The following UQCRFS1 variants were observed in gnomAD, a reference collection of about 807,000 sequenced individuals.
UQCRFS1 encodes the protein ubiquinol-cytochrome c reductase, Rieske iron-sulfur polypeptide 1.
In UQCRFS1, 6 loss-of-function variants were observed where a neutral mutation model predicts 15.6. That is an observed-to-expected ratio of 0.38 (90% CI 0.21 to 0.76). The LOEUF (loss-of-function observed/expected upper bound fraction) is 0.76. Ranked by LOEUF, UQCRFS1 falls within the 30% of genes least tolerant of loss-of-function variation. The probability of loss-of-function intolerance (pLI) is 0.44; values close to 1 mark genes in which losing one functional copy is unlikely to be tolerated. For missense variants in UQCRFS1, 203 were observed against 366.7 expected (o/e 0.55, Z 3.65); for synonymous variants, 105 against 154.3 (o/e 0.68, Z 2.37).
rs1976595430 is a variant in UQCRFS1, at chr19:29,206,470, A to C, written c.*1078T>G. The C allele has an allele frequency of 6.6e-6, 1 of 152,194 alleles. No homozygotes were observed. Among genetic ancestry groups the C allele is most frequent in the African/African-American group, 2.4e-5 (1 of 41,434 alleles). 9.4% of individuals were successfully genotyped at this position (152,194 alleles called of 1,614,324 possible). On this transcript the variant is annotated 3_prime_UTR_variant, in exon 2 of 2. Transcript: ENST00000304863. The stretch of plus-strand genomic sequence containing the variant: ...ACTGGTCCACCTCTAAACAGCAAAG[A>C]CAAACACATCAAAAAGTGACTGTGA...
rs1231316555 is a variant in UQCRFS1, at chr19:29,207,448, A to G, written c.*100T>C. The G allele has an allele frequency of 3.1e-6, 4 of 1,308,158 alleles. No individual in the cohort carries two copies. Among genetic ancestry groups the G allele is most frequent in the South Asian group, 3.1e-5 (2 of 64,442 alleles). 81.0% of individuals were successfully genotyped at this position (1,308,158 alleles called of 1,614,324 possible). ...TTGCAAATACATCATCAATTCTTACATATTTCAAATCAACTTCAAGTACAG... is the reference window on the plus strand; with the variant it reads ...TTGCAAATACATCATCAATTCTTACGTATTTCAAATCAACTTCAAGTACAG... On this transcript the variant is annotated 3_prime_UTR_variant, in exon 2 of 2. Transcript: ENST00000304863.
rs559375339 is a variant in UQCRFS1, at chr19:29,207,716, A to G, written c.657T>C (p.His219=). ...CATTTGCAATGGGTACACAGCCAAG[A>G]TGAGTGCAAACACCTATCAGGATAA... is the stretch of plus-strand genomic sequence containing the variant. ...EWVILIGVCT[H]LGCVPIANAG... Residue 219 remains histidine (H), a synonymous_variant, in exon 2 of 2, where the codon CAT becomes CAC. Transcript: ENST00000304863. 1.9e-6 allele frequency: 3 copies of G among 1,614,006 alleles called. No homozygotes were observed. The East Asian group carries it at 6.7e-5, about 36-fold the overall frequency.
In UQCRFS1 at chr19:29,207,315, T is replaced by C. The variant is rs10403575; in HGVS notation, c.*233A>G. The C allele has an allele frequency of 9.4e-3, 4,533 of 481,982 alleles. 99 individuals carry two copies. The highest frequency in any genetic ancestry group is 0.06 in the African/African-American group (3,069 of 50,892). 29.9% of individuals were successfully genotyped at this position (481,982 alleles called of 1,614,324 possible). On this transcript the variant is annotated 3_prime_UTR_variant, in exon 2 of 2. Transcript: ENST00000304863. ...TTTAATTAGAATTAGCTAAAAGACA[T>C]TGTACCTTTCGCGTGTATGACTGAG...
rs193291563 is a variant in UQCRFS1, at chr19:29,205,624, A to G, written c.*1924T>C. The G allele has an allele frequency of 4.7e-4, 71 of 152,342 alleles. No individual in the cohort carries two copies. Among genetic ancestry groups the G allele is most frequent in the Middle Eastern group, 3.4e-3 (1 of 294 alleles). 9.4% of individuals were successfully genotyped at this position (152,342 alleles called of 1,614,324 possible). A position where few individuals can be genotyped will look rare whatever the true frequency, so the allele number is the denominator to read the frequency against. On this transcript the variant is annotated 3_prime_UTR_variant, in exon 2 of 2. Transcript: ENST00000304863. ...ATTGTCCCAAGAATTATCCCCAATA[A>G]AATGCAGTAGGTTAATGATCTGATG...
chr19:29,208,002 C>G lies in UQCRFS1; in HGVS notation c.371G>C (p.Gly124Ala). 6.2e-7 allele frequency: 1 copy of G among 1,614,022 alleles called. No homozygotes were observed. Among genetic ancestry groups the G allele is most frequent in the Non-Finnish European group, 8.5e-7 (1 of 1,179,880 alleles). Residue 124 changes from glycine (G) to alanine (A), a missense_variant, in exon 2 of 2, where the codon GGT (glycine) becomes GCT (alanine). Coordinates refer to ENST00000304863, the MANE Select transcript of UQCRFS1 (RefSeq NM_006003.3). ...GGCATTCTTGGCAGCATATGCGACACCCACAGTAGTTACTCCAGTTACCAA... is the reference window on the plus strand; with the variant it reads ...GGCATTCTTGGCAGCATATGCGACAGCCACAGTAGTTACTCCAGTTACCAA... ...SYLVTGVTTV[G>A]VAYAAKNAVT... is the part of the protein sequence containing the mutation.
chr19:29,211,246 A>C (rs1976643057), intron 1 of UQCRFS1, among the ~76,000 whole-genome samples: 1 of 152,094 alleles, frequency 6.6e-6, no homozygotes, highest in African/African-American at 2.4e-5. Flanking sequence ...TCTCAAAAGA[A>C]GACATTTATG....
chr19:29,211,036 T>C (rs1402115244), intron 1 of UQCRFS1, among the ~76,000 whole-genome samples: 1 of 152,036 alleles, frequency 6.6e-6, no homozygotes, highest in East Asian at 1.9e-4. Flanking sequence ...TTCCTGACTT[T>C]TTAATGACTG....
rs7852 is a variant in UQCRFS1, at chr19:29,207,539, C to T, written c.*9G>A. ...ACTGAAAGAAGCCTATGACTTGAGT[C>T]CAAGTCTCTTAACCAACAATCACCA... On this transcript the variant is annotated 3_prime_UTR_variant, in exon 2 of 2. Transcript: ENST00000304863. The T allele has an allele frequency of 4.3e-3, 6,850 of 1,590,922 alleles. 261 individuals are homozygous for T. In the African/African-American group the frequency reaches 0.082, roughly 19 times the overall value.
chr19:29,210,629 G>C (rs987002568), intron 1 of UQCRFS1, among the ~76,000 whole-genome samples: 1 of 151,284 alleles, frequency 6.6e-6, no homozygotes, highest in Non-Finnish European at 1.5e-5. Flanking sequence ...TTGTCCTTGC[G>C]ACAGTTTACT....
chr19:29,212,862 C>T, intron 1 of UQCRFS1, 43 bp downstream of exon 1: 2 of 1,382,428 alleles, frequency 1.4e-6, no homozygotes, highest in Non-Finnish European at 9.3e-7. Context: ...GAGCGGGCAC[C>T]GAGAGACCCC....
chr19:29,211,078 T>G (rs184787645), intron 1 of UQCRFS1, among the ~76,000 whole-genome samples: 2 of 152,266 alleles, frequency 1.3e-5, no homozygotes, highest in East Asian at 3.9e-4. Flanking sequence ...GGTATCTCAT[T>G]GTGGTTTACA....
At chr19:29,212,716 G>A (rs1976670730) in intron 1 of UQCRFS1, among the ~76,000 whole-genome samples, 189 bp downstream of exon 1, 1 of 152,192 alleles carries the variant, frequency 6.6e-6, no homozygotes, top group Non-Finnish European at 1.5e-5. Context: ...CGAAGCCGGC[G>A]GACGCGAGTC....
intron 1 of UQCRFS1, among the ~76,000 whole-genome samples, chr19:29,209,119 A>G (rs1371471665): frequency 1.4e-5 from 2 of 145,116 alleles, no homozygotes; most frequent in African/African-American, 5.0e-5. Context: ...AACAAAAACA[A>G]GACACAGTTA....
chr19:29,208,254 A>C, intron 1 of UQCRFS1, 96 bp from the exon 2 acceptor site: 1 of 1,463,390 alleles, frequency 6.8e-7, no homozygotes, highest in Non-Finnish European at 9.0e-7. Flanking sequence ...CACAGGTAAA[A>C]AATCAAATTC....
chr19:29,210,119 G>A (rs893221862), intron 1 of UQCRFS1, among the ~76,000 whole-genome samples: 2 of 152,106 alleles, frequency 1.3e-5, no homozygotes, highest in Non-Finnish European at 2.9e-5. Context: ...TTATTTTAAG[G>A]TTGAGCTCCA....
intron 1 of UQCRFS1, among the ~76,000 whole-genome samples, chr19:29,209,063 A>T (rs1909089471): frequency 6.6e-6 from 1 of 152,184 alleles, no homozygotes; most frequent in Non-Finnish European, 1.5e-5. Context: ...ACAAATAATT[A>T]CTATGTAGTA....
intron 1 of UQCRFS1, 110 bp downstream of exon 1, chr19:29,212,795 C>G: frequency 8.4e-7 from 1 of 1,194,476 alleles, no homozygotes; most frequent in Non-Finnish European, 1.1e-6. Context: ...CCGCCCAGCC[C>G]GACCTGATTC....
intron 1 of UQCRFS1, among the ~76,000 whole-genome samples, chr19:29,212,119 A>G (rs968281558): frequency 6.6e-5 from 10 of 152,296 alleles, no homozygotes; most frequent in African/African-American, 2.4e-4. Flanking sequence ...GGGCCAAGTA[A>G]AGATGGAAGG....
intron 1 of UQCRFS1, among the ~76,000 whole-genome samples, chr19:29,210,997 T>C (rs947150015): frequency 1.3e-5 from 2 of 151,958 alleles, no homozygotes; most frequent in Non-Finnish European, 2.9e-5. Flanking sequence ...GTGTTCCTAT[T>C]TCTCCACATC....
Sources: gnomAD v4.1 joint callset for allele counts (sites outside exome capture counted in the v4.1 genomes callset) on GRCh38, gnomAD v4.1.1 for gene constraint, MANE v1.5 for transcripts, NCBI Gene and HGNC (gene_info 2026-07-23, HGNC 2026-07-21) for gene names.